UBE2H: variants seen among roughly 807,000 people sequenced by gnomAD.
The protein encoded by UBE2H is ubiquitin conjugating enzyme E2 H.
In UBE2H, 3 loss-of-function variants were observed where a neutral mutation model predicts 29.0. The observed-to-expected ratio is 0.10, with a 90% CI of 0.05 to 0.27. The LOEUF is 0.27. Among genes scored for constraint, UBE2H ranks in the 10% least tolerant of loss-of-function variants. The pLI, the probability that UBE2H is intolerant of heterozygous loss-of-function variation, is 1.00. For missense variants in UBE2H, 68 were observed against 228.2 expected (o/e 0.30, Z 4.52); for synonymous variants, 69 against 82.9 (o/e 0.83, Z 0.91).
intron 3 of UBE2H, among the ~76,000 whole-genome samples, chr7:129,870,722 TA>T (rs11334941): frequency 0.25 from 38,446 of 151,992 alleles, 5,065 homozygotes; most frequent in African/African-American, 0.31. Context: ...GAATGATCAT[TA>T]AAAAAACAAA....
chr7:129,833,146 AAAGT>A lies in UBE2H; in HGVS notation c.*1787_*1790del, dbSNP rs1357842511. ...TTTGCTTCATGCCCGTAATTAACATAAAGTAAGTAAATTCTTTGTCTTTTTATTT... is the reference window on the plus strand; with the variant it reads ...TTTGCTTCATGCCCGTAATTAACATAAAGTAAATTCTTTGTCTTTTTATTT... On this transcript the variant is annotated 3_prime_UTR_variant, in exon 7 of 7. Transcript: ENST00000355621. The A allele has an allele frequency of 1.3e-5, 2 of 152,540 alleles. No individual in the cohort carries two copies. The highest frequency in any genetic ancestry group is 3.9e-4 in the East Asian group (2 of 5,194). The allele number at this position is 152,540 out of a possible 1,614,324, so 9.4% of individuals were successfully genotyped here. A position where few individuals can be genotyped will look rare whatever the true frequency, so the allele number is the denominator to read the frequency against.
At chr7:129,886,046 G>C (rs1471877) in intron 1 of UBE2H, among the ~76,000 whole-genome samples, 9,516 of 152,206 alleles carry the variant, frequency 0.063, 369 homozygotes, top group Non-Finnish European at 0.092. Context: ...AGACTGGTGG[G>C]ACTCACTAGA....
At chr7:129,854,066 T>TTTTTTTTTTTTATTTTTTTTTA (rs1554430944) in intron 5 of UBE2H, among the ~76,000 whole-genome samples, 2 of 149,004 alleles carry the variant, frequency 1.3e-5, no homozygotes, top group East Asian at 2.0e-4. Flanking sequence ...GTTAGTTTTT[T>TTTTTTTTTTTTATTTTTTTTTA]TTTTTTTTTT....
At chr7:129,876,648 A>C (rs146416952) in intron 3 of UBE2H, among the ~76,000 whole-genome samples, 170 of 152,340 alleles carry the variant, frequency 1.1e-3, no homozygotes, top group African/African-American at 3.7e-3. Flanking sequence ...CATTTCAAAA[A>C]TTCACATCCA....
chr7:129,932,075 G>T (rs1379014838), intron 1 of UBE2H, among the ~76,000 whole-genome samples: 4 of 150,980 alleles, frequency 2.6e-5, no homozygotes, highest in Middle Eastern at 3.5e-3. Context: ...GCCTGCCTCG[G>T]CCTCCCAAAG....
chr7:129,914,828 C>G (rs933076374), intron 1 of UBE2H, among the ~76,000 whole-genome samples: 1 of 152,176 alleles, frequency 6.6e-6, no homozygotes, highest in African/African-American at 2.4e-5. Context: ...CTGCAACTTA[C>G]TTGGCATGAG....
intron 3 of UBE2H, among the ~76,000 whole-genome samples, chr7:129,863,403 G>A (rs767236121): frequency 3.3e-5 from 5 of 151,940 alleles, no homozygotes; most frequent in Non-Finnish European, 7.4e-5. Flanking sequence ...CACCTTGTGG[G>A]GTCTGTTTCT....
At chr7:129,920,222 C>CAT (rs761669185) in intron 1 of UBE2H, among the ~76,000 whole-genome samples, 24 of 151,618 alleles carry the variant, frequency 1.6e-4, no homozygotes, top group Admixed American at 2.0e-4. Flanking sequence ...AATATTTATG[C>CAT]ATATATATAT....
chr7:129,937,118 A>G (rs947156986), intron 1 of UBE2H, among the ~76,000 whole-genome samples: 9 of 152,172 alleles, frequency 5.9e-5, no homozygotes, highest in Non-Finnish European at 1.0e-4. Flanking sequence ...TCACGAGGTC[A>G]GGAGATCGAG....
chr7:129,861,223 A>T (rs1352535491), intron 3 of UBE2H, among the ~76,000 whole-genome samples: 3 of 140,668 alleles, frequency 2.1e-5, no homozygotes, highest in Non-Finnish European at 4.7e-5. Flanking sequence ...GACTGTCTTT[A>T]AAAAAAAAAA....
chr7:129,858,842 A>C, intron 4 of UBE2H, 60 bp downstream of exon 4: 1 of 1,499,206 alleles, frequency 6.7e-7, no homozygotes. Context: ...TATAACACAG[A>C]GAAACACTAA....
chr7:129,906,543 G>A (rs1045275715), intron 1 of UBE2H, among the ~76,000 whole-genome samples: 1 of 151,974 alleles, frequency 6.6e-6, no homozygotes, highest in African/African-American at 2.4e-5. Context: ...GAACCTACAA[G>A]GTATCCTGAG....
At position 129,944,487 on chromosome 7, in the gene UBE2H, G is replaced by A. The variant is rs556879314; in HGVS notation, c.53+8016C>T. ...CGTGTTAAACATGGCTGGGCACAGC[G>A]GCTTACATCTGTAATCCCAGCACTT... On this transcript the variant is annotated intron_variant, in intron 1 of 6. Coordinates refer to ENST00000355621, the MANE Select transcript of UBE2H (RefSeq NM_003344.4). 7.9e-5 allele frequency among the ~76,000 whole-genome samples: 12 copies of A among 152,164 alleles called. No individual in the cohort carries two copies. The South Asian group carries it at 1.2e-3, about 16-fold the overall frequency.
intron 3 of UBE2H, among the ~76,000 whole-genome samples, chr7:129,867,263 G>A (rs910630530): frequency 1.1e-4 from 16 of 151,320 alleles, no homozygotes; most frequent in Non-Finnish European, 1.6e-4. Flanking sequence ...TGTTTATTGC[G>A]GCACTATTCA....
At chr7:129,899,764 A>T (rs1806671491) in intron 1 of UBE2H, among the ~76,000 whole-genome samples, 1 of 152,344 alleles carries the variant, frequency 6.6e-6, no homozygotes, top group Middle Eastern at 3.4e-3. Flanking sequence ...GGCATCACTT[A>T]ATCAAACAAC....
At chr7:129,940,335 T>A (rs1455659443) in intron 1 of UBE2H, among the ~76,000 whole-genome samples, 1 of 152,188 alleles carries the variant, frequency 6.6e-6, no homozygotes, top group African/African-American at 2.4e-5. Context: ...AACCAGGAGA[T>A]TGAACCAAAG....
chr7:129,919,629 T>C (rs1474894700), intron 1 of UBE2H, among the ~76,000 whole-genome samples: 2 of 152,184 alleles, frequency 1.3e-5, no homozygotes, highest in East Asian at 1.9e-4. Flanking sequence ...ACTTCATCTC[T>C]TGGAACAGCC....
rs139800298 is a variant in UBE2H at position 129,854,183 on chromosome 7, C to G, written c.298+3328G>C. 1.6e-3 allele frequency among the ~76,000 whole-genome samples: 235 copies of G among 149,814 alleles called. 2 individuals carry two copies. Among genetic ancestry groups the G allele is most frequent in the South Asian group, 0.015 (73 of 4,712 alleles). On this transcript the variant is annotated intron_variant, in intron 5 of 6. Transcript: ENST00000355621. ...TCAGAACTCACCAATTATGAACTAA[C>G]CTTCAATGCCAGAGGCTTTAACAGT...
In UBE2H at chr7:129,831,813, A is replaced by G. The variant is rs1805233429; in HGVS notation, c.*3124T>C. 6.6e-6 allele frequency: 1 copy of G among 152,216 alleles called. No individual in the cohort carries two copies. The highest frequency in any genetic ancestry group is 1.5e-5 in the Non-Finnish European group (1 of 68,050). The allele number at this position is 152,216 out of a possible 1,614,324, so 9.4% of individuals were successfully genotyped here. On this transcript the variant is annotated 3_prime_UTR_variant, in exon 7 of 7. Coordinates refer to ENST00000355621, the MANE Select transcript of UBE2H (RefSeq NM_003344.4). ...AGGGAGCCCAAGGGTGGTGGATTCA[A>G]TGTTGCCAGGTTGCAACCATCTTGC...
Sources: allele counts gnomAD v4.1 joint callset (sites outside exome capture counted in the v4.1 genomes callset), GRCh38; gene constraint gnomAD v4.1.1; transcripts MANE v1.5; gene names NCBI Gene and HGNC (gene_info 2026-07-23, HGNC 2026-07-21).